Variants in GNG7 observed in about 807,000 individuals in gnomAD.
GNG7 encodes the protein guanine nucleotide-binding protein G(I)/G(S)/G(O) subunit gamma-7.
A neutral mutation model predicts 4.0 loss-of-function variants in GNG7; 1 was observed. That is an observed-to-expected ratio of 0.25 (90% CI 0.09 to 1.18). The LOEUF is 1.18. GNG7 is among the 50% of genes most tolerant of loss of function. The pLI is 0.50. For synonymous variants in GNG7, 34 were observed against 36.9 expected, an observed-to-expected ratio of 0.92 and a Z score of 0.29; for missense variants, 86 against 91.9, an observed-to-expected ratio of 0.94 and a Z score of 0.26.
At chr19:2,561,767 G>C (rs1199853541) in intron 2 of GNG7, among the ~76,000 whole-genome samples, 1 of 151,372 alleles carries the variant, frequency 6.6e-6, no homozygotes, top group Non-Finnish European at 1.5e-5. Flanking sequence ...TGTGATCCCA[G>C]CTACTCGGGA....
intron 1 of GNG7, among the ~76,000 whole-genome samples, chr19:2,663,217 T>C (rs367689025): frequency 1.3e-5 from 2 of 152,138 alleles, no homozygotes; most frequent in African/African-American, 4.8e-5. Flanking sequence ...AAGCATATTG[T>C]AGAAACTTTA....
At position 2,633,483 on chromosome 19, in the gene GNG7, GCGCGCACA is replaced by G. The variant is rs1489558345; in HGVS notation, c.-78+12733_-78+12740del. Among the ~76,000 whole-genome samples the G allele has an allele frequency of 8.1e-4, 65 of 80,384 alleles. No individual in the cohort carries two copies. The highest frequency in any genetic ancestry group is 1.9e-3 in the African/African-American group (51 of 26,770). 52.7% of individuals were successfully genotyped at this position (80,384 alleles called of 152,430 possible). A position where few individuals can be genotyped will look rare whatever the true frequency, so the allele number is the denominator to read the frequency against. Reference sequence around the variant, plus strand: ...TGCTTAGCAACAGGCGCGCGCGCGCGCGCGCACACACACACACACACACACACACACAC... The same window carrying G: ...TGCTTAGCAACAGGCGCGCGCGCGCGCACACACACACACACACACACACAC... On this transcript the variant is annotated intron_variant, in intron 2 of 4. Coordinates refer to ENST00000382159, the MANE Select transcript of GNG7 (RefSeq NM_052847.3). This position sits in a 1 kb window ranked among gnomAD's most constrained non-coding sequence, Gnocchi z 5.9.
At chr19:2,540,577 G>C (rs1443210663) in intron 3 of GNG7, among the ~76,000 whole-genome samples, 8 of 152,216 alleles carry the variant, frequency 5.3e-5, no homozygotes, top group Non-Finnish European at 8.8e-5. Flanking sequence ...GGGCTGTAAA[G>C]CCAAGAAGCA....
At chr19:2,701,015 C>T (rs1913387871) in intron 1 of GNG7, 1 of 152,082 alleles carries the variant, frequency 6.6e-6, no homozygotes, top group Non-Finnish European at 1.5e-5. Context: ...TAAAGTGCCA[C>T]CCACGTCGCT....
chr19:2,558,370 G>A (rs1411987440), intron 2 of GNG7, among the ~76,000 whole-genome samples: 1 of 151,608 alleles, frequency 6.6e-6, no homozygotes, highest in Non-Finnish European at 1.5e-5. Flanking sequence ...CTGAGTAGCT[G>A]AGACTACAGC....
At chr19:2,531,828 G>A (rs1978600141) in intron 3 of GNG7, among the ~76,000 whole-genome samples, 1 of 151,060 alleles carries the variant, frequency 6.6e-6, no homozygotes, top group Non-Finnish European at 1.5e-5. Context: ...CATACGAGGA[G>A]CCAGGACCAC....
intron 3 of GNG7, among the ~76,000 whole-genome samples, chr19:2,553,860 A>C (rs1354382278): frequency 7.2e-6 from 1 of 138,736 alleles, no homozygotes; most frequent in East Asian, 2.1e-4. Context: ...TGTACATATT[A>C]TATGTAACAT....
intron 1 of GNG7, among the ~76,000 whole-genome samples, chr19:2,669,888 T>C (rs192176440): frequency 4.0e-5 from 6 of 151,554 alleles, no homozygotes; most frequent in African/African-American, 1.5e-4. Context: ...CGGGTACCTA[T>C]AATCCCAGCT....
chr19:2,570,129 G>C (rs1049433476), intron 2 of GNG7, among the ~76,000 whole-genome samples: 2 of 151,936 alleles, frequency 1.3e-5, no homozygotes, highest in African/African-American at 4.8e-5. Context: ...CGGACGACCT[G>C]GTTGTTAAAA....
chr19:2,514,886 TG>T lies in GNG7; in HGVS notation c.*135del. ...TGGCGGGGAGAGGGGGGATTTCTTT[TG>T]GAATTAAAGGTTTTGGGGACTTGAG... On this transcript the variant is annotated 3_prime_UTR_variant, in exon 5 of 5. Transcript: ENST00000382159. 1.4e-6 allele frequency: 1 copy of T among 710,002 alleles called. No homozygotes were observed. The highest frequency in any genetic ancestry group is 1.8e-5 in the African/African-American group (1 of 55,866). The allele number at this position is 710,002 out of a possible 1,614,324, so 44.0% of individuals were successfully genotyped here.
At position 2,647,401 on chromosome 19, in the gene GNG7, C is replaced by T. The variant is rs535554273; in HGVS notation, c.-134-1121G>A. Among the ~76,000 whole-genome samples the T allele has an allele frequency of 1.9e-3, 284 of 152,282 alleles. 1 individual carries two copies. Among genetic ancestry groups the T allele is most frequent in the Non-Finnish European group, 3.4e-3 (231 of 68,032 alleles). On this transcript the variant is annotated intron_variant, in intron 1 of 4. Coordinates refer to ENST00000382159, the MANE Select transcript of GNG7 (RefSeq NM_052847.3). ...GCCTAGAAGCCGGGCCTGGCCTCCC[C>T]GACCCACCCCACGAGCCTTTCCCTT...
intron 1 of GNG7, among the ~76,000 whole-genome samples, chr19:2,681,682 A>C (rs566262056): frequency 6.6e-6 from 1 of 152,250 alleles, no homozygotes; most frequent in African/African-American, 2.4e-5. Context: ...CACTTCAGGA[A>C]CTGCCAGGCT....
chr19:2,565,866 C>A (rs1310262368), intron 2 of GNG7, among the ~76,000 whole-genome samples: 1 of 152,022 alleles, frequency 6.6e-6, no homozygotes, highest in Non-Finnish European at 1.5e-5. Flanking sequence ...ACATTTTAAA[C>A]CATGGTAGAG....
intron 1 of GNG7, among the ~76,000 whole-genome samples, chr19:2,698,995 G>A (rs546265123): frequency 1.3e-5 from 2 of 152,274 alleles, no homozygotes; most frequent in East Asian, 1.9e-4. Context: ...TTTGAGCTTC[G>A]TTGGAAGCTT....
intron 1 of GNG7, among the ~76,000 whole-genome samples, chr19:2,670,238 C>T (rs1244710139): frequency 6.6e-6 from 1 of 152,128 alleles, no homozygotes; most frequent in East Asian, 1.9e-4. Flanking sequence ...CTGGTTCTGG[C>T]CACGGAGACC....
chr19:2,663,833 G>C (rs1338093764), intron 1 of GNG7, among the ~76,000 whole-genome samples: 1 of 152,176 alleles, frequency 6.6e-6, no homozygotes, highest in African/African-American at 2.4e-5. Flanking sequence ...AACGTGGCTT[G>C]ATCTTGACAC....
chr19:2,628,137 T>C (rs1208813829), intron 2 of GNG7, among the ~76,000 whole-genome samples: 1 of 152,244 alleles, frequency 6.6e-6, no homozygotes, highest in Non-Finnish European at 1.5e-5. Flanking sequence ...CAGCTACTGC[T>C]GAGTAACAAC....
rs1599428761 is a variant in GNG7, at chr19:2,626,254, C to G, written c.-78+19970G>C. On this transcript the variant is annotated intron_variant, in intron 2 of 4. Coordinates refer to ENST00000382159, the MANE Select transcript of GNG7 (RefSeq NM_052847.3). The surrounding 1 kb of genome is among the most constrained non-coding windows in gnomAD (Gnocchi z 5.0). ...TCCCGCCCCAGGCCTGAAGCCGGCCCCCTGCCCCAAACCAGCCTGACCAGC... is the reference window on the plus strand; with the variant it reads ...TCCCGCCCCAGGCCTGAAGCCGGCCGCCTGCCCCAAACCAGCCTGACCAGC... Among the ~76,000 whole-genome samples, 1 of 152,180 alleles carries G rather than the reference C, an allele frequency of 6.6e-6. No homozygotes were observed. Among genetic ancestry groups the G allele is most frequent in the East Asian group, 1.9e-4 (1 of 5,194 alleles).
In GNG7 at chr19:2,691,693, C is replaced by G. The variant is rs139246925; in HGVS notation, c.-135+10953G>C. Among the ~76,000 whole-genome samples the G allele has an allele frequency of 4.2e-3, 634 of 151,888 alleles. 14 individuals carry two copies. The highest frequency in any genetic ancestry group is 0.032 in the Admixed American group (480 of 15,236). ...ACCAGCCTGGCCAACATGGTGAAAC[C>G]CCGTTTCTACTAAAAATACCAAAAT... On this transcript the variant is annotated intron_variant, in intron 1 of 4. Coordinates refer to ENST00000382159, the MANE Select transcript of GNG7 (RefSeq NM_052847.3).
Sources: allele counts gnomAD v4.1 joint callset (sites outside exome capture counted in the v4.1 genomes callset), GRCh38; gene constraint gnomAD v4.1.1; non-coding constraint Gnocchi (gnomAD v3.1); transcripts MANE v1.5; gene names NCBI Gene and HGNC (gene_info 2026-07-23, HGNC 2026-07-21).